The following GNPTAB variants were observed in gnomAD, a reference collection of about 807,000 sequenced individuals.
GNPTAB encodes N-acetylglucosamine-1-phosphate transferase subunits alpha and beta.
GNPTAB carries 92 observed loss-of-function variants against 136.6 expected under a neutral mutation model. The ratio of observed to expected loss-of-function variants is 0.67; its 90% CI spans 0.57 to 0.80. GNPTAB has a LOEUF of 0.80. GNPTAB is among the 30% of genes least tolerant of loss of function. GNPTAB has a pLI of 0.00. For synonymous variants in GNPTAB, 512 were observed against 535.1 expected, an observed-to-expected ratio of 0.96 and a Z score of 0.60; for missense variants, 1,343 against 1,501.8, an observed-to-expected ratio of 0.89 and a Z score of 1.75.
intron 13 of GNPTAB, among the ~76,000 whole-genome samples, chr12:101,763,193 G>A (rs900578050): frequency 1.3e-5 from 2 of 148,198 alleles, no homozygotes; most frequent in Non-Finnish European, 3.0e-5. Flanking sequence ...TTGCACTCCA[G>A]CTTGGGAAAA....
intron 1 of GNPTAB, among the ~76,000 whole-genome samples, chr12:101,811,867 G>A (rs184490858): frequency 2.7e-5 from 4 of 150,048 alleles, no homozygotes; most frequent in Non-Finnish European, 4.4e-5. Context: ...TCGAACTCCC[G>A]ACCTCAGGTG....
At chr12:101,767,187 ATACT>A (rs531659236) in intron 11 of GNPTAB, among the ~76,000 whole-genome samples, 27 of 152,356 alleles carry the variant, frequency 1.8e-4, no homozygotes, top group South Asian at 1.4e-3. Flanking sequence ...ATTTGTGTAC[ATACT>A]TACTCTCTCT....
Position 101,796,715 on chromosome 12 carries a change from G to A in GNPTAB, c.165C>T (p.Ser55=). ...SRDQYHVLFD[S]YRDNIAGKSF... ...ACTTTCCAGCAATATTGTCTCTATA[G>A]GAATCAAACAAAACATGGTATTGAT... Residue 55 remains serine (S), a synonymous_variant, in exon 2 of 21, where the codon TCC becomes TCT. Coordinates refer to ENST00000299314, the MANE Select transcript of GNPTAB (RefSeq NM_024312.5). The A allele has an allele frequency of 3.1e-6, 5 of 1,612,640 alleles. No individual in the cohort carries two copies. The highest frequency in any genetic ancestry group is 4.2e-6 in the Non-Finnish European group (5 of 1,178,994).
intron 6 of GNPTAB, 93 bp from the exon 7 acceptor site, chr12:101,780,379 C>T (rs1252471370): frequency 7.5e-7 from 1 of 1,330,886 alleles, no homozygotes; most frequent in East Asian, 2.3e-5. Flanking sequence ...TATTGCATCA[C>T]AACACAAGCT....
At chr12:101,755,658 G>A (rs965179627) in intron 18 of GNPTAB, among the ~76,000 whole-genome samples, 5 of 152,158 alleles carry the variant, frequency 3.3e-5, no homozygotes, top group African/African-American at 7.2e-5. Flanking sequence ...CCCTGTTAAC[G>A]GGATAAACAT....
rs1566078120 is a variant in GNPTAB at position 101,771,154 on chromosome 12, G to A, written c.775C>T (p.Gln259Ter). 1 of 1,612,760 alleles carries A rather than the reference G, an allele frequency of 6.2e-7. No homozygotes were observed. Residue 259 changes from glutamine (Q) to a stop codon, truncating the protein, a stop_gained, in exon 8 of 21, where the codon CAG (glutamine) becomes TAG (stop). Coordinates refer to ENST00000299314, the MANE Select transcript of GNPTAB (RefSeq NM_024312.5). LOFTEE classifies it high-confidence loss of function. The part of the protein sequence containing the change: ...ENLSSKVKLL[Q>*]LYSEASVALL... ...GCTACACTGGCCTCTGAATACAACT[G>A]CAACTATCAAATAACAAGAGGATTA...
chr12:101,807,837 C>T (rs897072211), intron 1 of GNPTAB, among the ~76,000 whole-genome samples: 4 of 151,926 alleles, frequency 2.6e-5, no homozygotes, highest in African/African-American at 7.3e-5. Context: ...GACTGAGGCA[C>T]AATAGCACCA....
intron 1 of GNPTAB, among the ~76,000 whole-genome samples, chr12:101,814,956 C>T (rs555649382): frequency 1.2e-4 from 19 of 152,108 alleles, no homozygotes; most frequent in African/African-American, 2.7e-4. Context: ...AAATAATGTC[C>T]TAATATTATT....
chr12:101,763,117 G>A (rs1953026694), intron 13 of GNPTAB, among the ~76,000 whole-genome samples: 1 of 151,640 alleles, frequency 6.6e-6, no homozygotes, highest in South Asian at 2.1e-4. Flanking sequence ...AGCCACTCAG[G>A]AGGCTGAGAC....
Position 101,830,649 on chromosome 12 carries a change from C to G in GNPTAB, c.27G>C (p.Gln9His), listed in dbSNP as rs222504. The change falls in exon 1 of 21, where the codon CAG becomes CAC. Residue 9 changes from glutamine (Q) to histidine (H), a missense_variant. Transcript: ENST00000299314. Reference protein sequence around the residue: MLFKLLQRQTYTCLSHRYG... With the variant: MLFKLLQRHTYTCLSHRYG... ...ACCTGTGGGACAGGCAGGTATAGGT[C>G]TGTCTCTGCAGGAGCTTGAACAGCA... The G allele has an allele frequency of 5.6e-6, 9 of 1,610,778 alleles. No homozygotes were observed. Among genetic ancestry groups the G allele is most frequent in the Non-Finnish European group, 7.6e-6 (9 of 1,177,692 alleles).
intron 1 of GNPTAB, among the ~76,000 whole-genome samples, chr12:101,812,816 G>T (rs752619278): frequency 6.6e-6 from 1 of 152,046 alleles, no homozygotes; most frequent in Admixed American, 6.5e-5. Context: ...ATTTATTTTT[G>T]ATTGTAGAGA....
At chr12:101,826,737 T>C (rs1871101237) in intron 1 of GNPTAB, among the ~76,000 whole-genome samples, 1 of 152,100 alleles carries the variant, frequency 6.6e-6, no homozygotes, top group Non-Finnish European at 1.5e-5. Context: ...AAAAACACGT[T>C]TTAAAATCTA....
At chr12:101,769,234 G>T (rs1453263458) in intron 10 of GNPTAB, among the ~76,000 whole-genome samples, 1 of 152,130 alleles carries the variant, frequency 6.6e-6, no homozygotes, top group Non-Finnish European at 1.5e-5. Context: ...ACTGCCCAAG[G>T]TCATCCTGAA....
intron 1 of GNPTAB, among the ~76,000 whole-genome samples, chr12:101,806,897 T>A (rs909474928): frequency 1.4e-4 from 21 of 151,276 alleles, no homozygotes; most frequent in Non-Finnish European, 2.2e-4. Context: ...TTTCAGAAAA[T>A]GGAAGCAGAG....
At chr12:101,796,909 G>A (rs754227645) in intron 1 of GNPTAB, 147 bp from the exon 2 acceptor site, 35 of 631,504 alleles carry the variant, frequency 5.5e-5, no homozygotes, top group African/African-American at 1.8e-4. Context: ...CACATACATC[G>A]TGTTAGATCC....
At chr12:101,769,256 T>C (rs10745922) in intron 10 of GNPTAB, among the ~76,000 whole-genome samples, 92,894 of 152,002 alleles carry the variant, frequency 0.61, 29,183 homozygotes, top group East Asian at 0.9. Context: ...AGTTGGCCCC[T>C]AAGTCTGTAC....
chr12:101,788,642 C>T, intron 3 of GNPTAB, 53 bp from the exon 4 acceptor site: 1 of 899,998 alleles, frequency 1.1e-6, no homozygotes, highest in East Asian at 2.4e-5. Context: ...CTATACCTCC[C>T]ACTGTAACCA....
chr12:101,809,924 A>C (rs1225555803), intron 1 of GNPTAB, among the ~76,000 whole-genome samples: 1 of 152,218 alleles, frequency 6.6e-6, no homozygotes, highest in African/African-American at 2.4e-5. Context: ...TAGTTAATAA[A>C]AAATCTATCA....
At chr12:101,761,477 C>G in intron 14 of GNPTAB, 87 bp downstream of exon 14, 3 of 1,445,244 alleles carry the variant, frequency 2.1e-6, no homozygotes, top group South Asian at 2.3e-5. Flanking sequence ...AATATTAGAG[C>G]TATAAATTTA....
Sources: allele counts gnomAD v4.1 joint callset (sites outside exome capture counted in the v4.1 genomes callset), GRCh38; gene constraint gnomAD v4.1.1; transcripts MANE v1.5; gene names NCBI Gene and HGNC (gene_info 2026-07-23, HGNC 2026-07-21).